AK9: variants seen among roughly 807,000 people sequenced by gnomAD.
AK9 encodes the protein adenylate kinase 9, also known as adenylate kinase domain containing 1.
In AK9, 191 loss-of-function variants were observed where a neutral mutation model predicts 239.6. That is an observed-to-expected ratio of 0.80 (90% CI 0.71 to 0.90). The LOEUF (loss-of-function observed/expected upper bound fraction) is 0.90, where lower values mean the gene tolerates loss of function less well. Among genes scored for constraint, AK9 ranks in the 40% least tolerant of loss-of-function variants. The pLI, the probability that AK9 is intolerant of heterozygous loss-of-function variation, is 0.00. For synonymous variants in AK9, 689 were observed against 721.0 expected, an observed-to-expected ratio of 0.96 and a Z score of 0.71; for missense variants, 1,995 against 2,214.7, an observed-to-expected ratio of 0.90 and a Z score of 1.99.
chr6:109,523,536 T>C (rs1004514579), intron 29 of AK9, among the ~76,000 whole-genome samples: 1 of 152,148 alleles, frequency 6.6e-6, no homozygotes, highest in African/African-American at 2.4e-5. Flanking sequence ...GCAGTCAAAA[T>C]TTGGAGGAAG....
At position 109,675,708 on chromosome 6, in the gene AK9, G is replaced by T. The variant is rs748303545; in HGVS notation, c.38C>A (p.Ala13Glu). 3 of 1,597,422 alleles carry T rather than the reference G, an allele frequency of 1.9e-6. No homozygotes were observed. The Admixed American group carries it at 5.3e-5, about 28-fold the overall frequency. Residue 13 changes from alanine to glutamate, a missense_variant, in exon 2 of 41, where the codon GCA becomes GAA. Coordinates refer to ENST00000424296, the MANE Select transcript of AK9 (RefSeq NM_001145128.3). ...SQEKTEEYPF[A>E]DIFDEDETER... ...AGTTTCATCTTCATCAAATATATCT[G>T]CAAAAGGATACTCTTCTGTCTTCTC...
intron 17 of AK9, among the ~76,000 whole-genome samples, chr6:109,607,029 C>A (rs777091821): frequency 1.5e-4 from 23 of 152,050 alleles, no homozygotes; most frequent in Admixed American, 1.0e-3. Flanking sequence ...TACATTAGGT[C>A]CAAGTGCATC....
At chr6:109,543,604 C>G (rs139561360) in intron 26 of AK9, among the ~76,000 whole-genome samples, 1 of 151,882 alleles carries the variant, frequency 6.6e-6, no homozygotes, top group African/African-American at 2.4e-5. Flanking sequence ...TGTGTCACCA[C>G]GCCTGGCTAA....
At position 109,593,222 on chromosome 6, in the gene AK9, C is replaced by A. The variant is rs371375521; in HGVS notation, c.1843-7150G>T. ...TTCTAGAATTTAGAAAAATCTATCT[C>A]ATCTTTCATATCCTAAATTGTTTTT... On this transcript the variant is annotated intron_variant, in intron 17 of 40. Coordinates refer to ENST00000424296, the MANE Select transcript of AK9 (RefSeq NM_001145128.3). Among the ~76,000 whole-genome samples the A allele has an allele frequency of 1.8e-4, 28 of 152,146 alleles. 1 individual carries two copies. The Middle Eastern group carries it at 0.01, about 55-fold the overall frequency.
chr6:109,680,157 G>A (rs773901215), intron 1 of AK9, among the ~76,000 whole-genome samples: 5 of 152,188 alleles, frequency 3.3e-5, no homozygotes, highest in Admixed American at 6.5e-5. Flanking sequence ...AAACTCCTCC[G>A]AGCTAAAGGA....
chr6:109,580,655 C>T (rs1159736231), intron 19 of AK9, among the ~76,000 whole-genome samples: 1 of 152,168 alleles, frequency 6.6e-6, no homozygotes, highest in Admixed American at 6.6e-5. Flanking sequence ...GACATTACTA[C>T]ACCTCTTCTC....
At chr6:109,616,763 G>T (rs1403775204) in intron 13 of AK9, among the ~76,000 whole-genome samples, 1 of 151,942 alleles carries the variant, frequency 6.6e-6, no homozygotes, top group Non-Finnish European at 1.5e-5. Context: ...TTTAAAGATG[G>T]TCAGTATCAC....
At chr6:109,680,423 C>T (rs1772442563) in intron 1 of AK9, among the ~76,000 whole-genome samples, 1 of 151,978 alleles carries the variant, frequency 6.6e-6, no homozygotes, top group African/African-American at 2.4e-5. Context: ...TAAAAAGGAA[C>T]AAACAAAGCC....
rs373758705 is a variant in AK9, at chr6:109,614,291, T to C, written c.1501A>G (p.Ile501Val). Residue 501 changes from isoleucine to valine, a missense_variant, in exon 15 of 41, where the codon ATT becomes GTT. Around this residue, in one of 5 missense-constraint regions of AK9, gnomAD observed 1,290 missense variants for 1,392.7 expected, o/e 0.93. Transcript: ENST00000424296. ...CCTCTGTCCCTTTGGGAGCCTTGAA[T>C]GTACCCTGCAATGAAAGAATAATAT... ...THSSIDEEGY[I>V]QGSQRDRGSS... is the part of the protein sequence containing the mutation. 1.2e-4 allele frequency: 185 copies of C among 1,551,464 alleles called. No individual in the cohort carries two copies. Among genetic ancestry groups the C allele is most frequent in the Non-Finnish European group, 1.5e-4 (174 of 1,146,728 alleles).
In AK9 at chr6:109,530,871, C is replaced by T. The variant is rs149845927; in HGVS notation, c.3571-1798G>A. On this transcript the variant is annotated intron_variant, in intron 28 of 40. Transcript: ENST00000424296. The stretch of plus-strand genomic sequence containing the variant: ...TGACCTGGCCAACATGGTGAAACCC[C>T]GTCTATACTAAAAATACAAAAATTA... 9.2e-4 allele frequency among the ~76,000 whole-genome samples: 140 copies of T among 152,044 alleles called. 1 individual carries two copies. Among genetic ancestry groups the T allele is most frequent in the Admixed American group, 2.8e-3 (43 of 15,262 alleles).
At chr6:109,602,357 T>A (rs1475732804) in intron 17 of AK9, among the ~76,000 whole-genome samples, 2 of 152,194 alleles carry the variant, frequency 1.3e-5, no homozygotes, top group African/African-American at 4.8e-5. Context: ...GGATATGAAA[T>A]TCTGGGTTGA....
At chr6:109,508,502 A>T (rs1269404713) in intron 33 of AK9, among the ~76,000 whole-genome samples, 2 of 152,112 alleles carry the variant, frequency 1.3e-5, no homozygotes, top group African/African-American at 4.8e-5. Flanking sequence ...CAGTAAATGA[A>T]CTCGAGAACT....
intron 29 of AK9, among the ~76,000 whole-genome samples, chr6:109,519,786 AAAAT>A (rs1779646998): frequency 6.6e-6 from 1 of 152,062 alleles, no homozygotes; most frequent in Admixed American, 6.6e-5. Flanking sequence ...AAAAAAAAAA[AAAAT>A]AGCCATTCTG....
intron 27 of AK9, among the ~76,000 whole-genome samples, chr6:109,535,156 T>C (rs897814274): frequency 6.6e-6 from 1 of 152,196 alleles, no homozygotes; most frequent in African/African-American, 2.4e-5. Context: ...GTATTTCTAG[T>C]TCTAGATCCT....
chr6:109,501,793 A>G (rs12199154), intron 35 of AK9, among the ~76,000 whole-genome samples: 56,934 of 152,030 alleles, frequency 0.37, 10,693 homozygotes, highest in South Asian at 0.44. Flanking sequence ...AATCCTGACC[A>G]TATCATTAGG....
At chr6:109,607,479 A>G (rs1187261376) in intron 17 of AK9, among the ~76,000 whole-genome samples, 1 of 152,190 alleles carries the variant, frequency 6.6e-6, no homozygotes, top group Non-Finnish European at 1.5e-5. Flanking sequence ...TTTACATTGT[A>G]TTAGGCATTA....
At chr6:109,648,523 C>T (rs556179733) in intron 8 of AK9, among the ~76,000 whole-genome samples, 218 of 152,292 alleles carry the variant, frequency 1.4e-3, no homozygotes, top group African/African-American at 4.9e-3. Flanking sequence ...CACATACACC[C>T]TCCCAAGACT....
At chr6:109,656,985 G>T (rs991763043) in intron 7 of AK9, 101 bp from the exon 8 acceptor site, 106 of 1,364,526 alleles carry the variant, frequency 7.8e-5, no homozygotes, top group Middle Eastern at 1.8e-4. Context: ...ATTTTGGGGT[G>T]AGAAGCAGGG....
intron 6 of AK9, among the ~76,000 whole-genome samples, chr6:109,662,049 C>T (rs1800491491): frequency 6.6e-6 from 1 of 152,140 alleles, no homozygotes; most frequent in South Asian, 2.1e-4. Flanking sequence ...TTACTAGGTG[C>T]CACTATGTAC....
Sources: gnomAD v4.1 joint callset for allele counts (sites outside exome capture counted in the v4.1 genomes callset) on GRCh38, gnomAD v4.1.1 for gene constraint, gnomAD v4.1.1 regional missense constraint, MANE v1.5 for transcripts, NCBI Gene and HGNC (gene_info 2026-07-23, HGNC 2026-07-21) for gene names.